The following MTMR10 variants were observed in gnomAD, a reference collection of about 807,000 sequenced individuals.
The protein encoded by MTMR10 is myotubularin related protein 10.
A neutral mutation model predicts 88.1 loss-of-function variants in MTMR10; 56 were observed. The observed-to-expected ratio is 0.64, with a 90% CI of 0.51 to 0.79. The LOEUF is 0.79. MTMR10 is among the 30% of genes least tolerant of loss of function. The pLI, the probability that MTMR10 is intolerant of heterozygous loss-of-function variation, is 0.00. For missense variants in MTMR10, 883 were observed against 924.7 expected (o/e 0.95, Z 0.58); for synonymous variants, 380 against 340.9 (o/e 1.11, Z -1.26).
At chr15:30,973,033 G>C (rs958399649) in intron 5 of MTMR10, among the ~76,000 whole-genome samples, 5 of 152,110 alleles carry the variant, frequency 3.3e-5, no homozygotes, top group African/African-American at 1.2e-4. Context: ...TTGATGCTTT[G>C]ATCAATTAAA....
chr15:30,961,105 C>T (rs371446836), intron 6 of MTMR10, 32 bp from the exon 7 acceptor site: 2 of 1,525,272 alleles, frequency 1.3e-6, no homozygotes, highest in African/African-American at 1.4e-5. Flanking sequence ...TGAATTTTAA[C>T]AGTCACATTT....
At position 30,939,670 on chromosome 15, in the gene MTMR10, A is replaced by C; in HGVS notation, c.*1800T>G. 1.4e-6 allele frequency: 1 copy of C among 724,102 alleles called. No homozygotes were observed. The highest frequency in any genetic ancestry group is 1.7e-6 in the Non-Finnish European group (1 of 598,048). The allele number at this position is 724,102 out of a possible 1,614,324, so 44.9% of individuals were successfully genotyped here. A position where few individuals can be genotyped will look rare whatever the true frequency, so the allele number is the denominator to read the frequency against. On this transcript the variant is annotated 3_prime_UTR_variant, in exon 16 of 16. Transcript: ENST00000435680. ...ACTACAAGAGTTAAAATAAACGTGAAGGAAGAAAATTACAGAGGGAAAAAT... is the reference window on the plus strand; with the variant it reads ...ACTACAAGAGTTAAAATAAACGTGACGGAAGAAAATTACAGAGGGAAAAAT...
At chr15:30,964,296 G>C (rs193051952) in intron 6 of MTMR10, among the ~76,000 whole-genome samples, 57 of 152,322 alleles carry the variant, frequency 3.7e-4, no homozygotes, top group African/African-American at 1.3e-3. Context: ...ACTTTTTAGT[G>C]TTTTGGGTTG....
Position 30,939,647 on chromosome 15 carries a change from T to G in MTMR10, c.*1823A>C, listed in dbSNP as rs1031265100. ...TTGTAAATTAACAACAATAAAATACTACAAGAGTTAAAATAAACGTGAAGG... is the reference window on the plus strand; with the variant it reads ...TTGTAAATTAACAACAATAAAATACGACAAGAGTTAAAATAAACGTGAAGG... On this transcript the variant is annotated 3_prime_UTR_variant, in exon 16 of 16. Transcript: ENST00000435680. 5.0e-6 allele frequency: 4 copies of G among 801,222 alleles called. No individual in the cohort carries two copies. Among genetic ancestry groups the G allele is most frequent in the Admixed American group, 1.5e-4 (1 of 6,712 alleles). 49.6% of individuals were successfully genotyped at this position (801,222 alleles called of 1,614,324 possible).
the MTMR10 span, chr15:30,925,086 GTTTT>G: frequency 6.4e-7 from 1 of 1,563,138 alleles, no homozygotes; most frequent in Non-Finnish European, 8.7e-7. Flanking sequence ...GCCGCCATGG[GTTTT>G]TTTAGGAGCC....
intron 14 of MTMR10, chr15:30,943,471 G>A: frequency 1.0e-6 from 1 of 985,424 alleles, no homozygotes. Flanking sequence ...GTTGGTAAGT[G>A]GATTAACAAA....
intron 2 of MTMR10, among the ~76,000 whole-genome samples, chr15:30,989,974 A>C (rs1345544000): frequency 6.6e-6 from 1 of 152,124 alleles, no homozygotes. Flanking sequence ...ATTATTATAC[A>C]ATTGTTATAC....
At chr15:30,954,342 A>G (rs988655933) in intron 10 of MTMR10, among the ~76,000 whole-genome samples, 1 of 152,194 alleles carries the variant, frequency 6.6e-6, no homozygotes, top group Non-Finnish European at 1.5e-5. Flanking sequence ...GCCACCTGGT[A>G]CGTTTGCTCA....
chr15:30,932,190 C>G, the MTMR10 span, among the ~76,000 whole-genome samples: 3 of 141,952 alleles, frequency 2.1e-5, no homozygotes, highest in East Asian at 6.2e-4. Context: ...CCACTGCACT[C>G]CAGCCTGGGC....
In MTMR10 at chr15:30,954,860, C is replaced by T. The variant is rs1010111388; in HGVS notation, c.969G>A (p.Gln323=). The T allele has an allele frequency of 6.4e-7, 1 of 1,564,570 alleles. No homozygotes were observed. Among genetic ancestry groups the T allele is most frequent in the Non-Finnish European group, 8.7e-7 (1 of 1,153,254 alleles). ...AATCTGATTTGTAAACATCACTTCT[C>T]TGTGGGTGACTTTTAGTTATTGCAT... The part of the protein sequence containing the change: ...ICNAITKSHP[Q]RSDVYKSDLD... The change falls in exon 10 of 16, where the codon CAG becomes CAA. Residue 323 remains glutamine, a synonymous_variant. Transcript: ENST00000435680.
chr15:30,968,241 G>T, intron 5 of MTMR10: 1 of 371,946 alleles, frequency 2.7e-6, no homozygotes, highest in Admixed American at 4.5e-5. Flanking sequence ...CAAGTATTCA[G>T]TAAATATTTG....
the MTMR10 span, among the ~76,000 whole-genome samples, chr15:30,929,779 T>TCATATATAATAATATATAAAATATATAA: frequency 4.4e-5 from 1 of 22,734 alleles, no homozygotes; most frequent in African/African-American, 3.0e-4. Context: ...ATATAATATA[T>TCATATATAATAATATATAAAATATATAA]TATATCATAT....
At chr15:30,977,110 G>T (rs765163254) in intron 2 of MTMR10, among the ~76,000 whole-genome samples, 155 bp from the exon 3 acceptor site, 1 of 152,196 alleles carries the variant, frequency 6.6e-6, no homozygotes, top group Admixed American at 6.5e-5. Flanking sequence ...TGGTCATAAA[G>T]TGAATAGTAA....
At chr15:30,990,687 G>T in intron 2 of MTMR10, 90 bp downstream of exon 2, 1 of 1,064,842 alleles carries the variant, frequency 9.4e-7, no homozygotes. Context: ...ATGAGAGAAG[G>T]GAAGTTAACC....
chr15:30,937,386 G>A, downstream of MTMR10: 1 of 829,138 alleles, frequency 1.2e-6, no homozygotes, highest in Non-Finnish European at 1.8e-6. Context: ...TACAGTGTCT[G>A]CATATCACAA....
intron 5 of MTMR10, among the ~76,000 whole-genome samples, chr15:30,972,324 C>T (rs1008347255): frequency 1.3e-5 from 2 of 152,108 alleles, no homozygotes; most frequent in African/African-American, 4.8e-5. Flanking sequence ...GTTTGAAATG[C>T]GTAAATCCCA....
chr15:30,978,938 T>C (rs184514608), intron 2 of MTMR10, among the ~76,000 whole-genome samples: 86 of 152,192 alleles, frequency 5.7e-4, no homozygotes, highest in Non-Finnish European at 9.1e-4. Context: ...TTCAAATACA[T>C]AAAATTTAAA....
chr15:30,932,716 C>CT, the MTMR10 span, among the ~76,000 whole-genome samples: 11,706 of 134,216 alleles, frequency 0.087, 855 homozygotes, highest in African/African-American at 0.15. Flanking sequence ...TGTTTCTTTT[C>CT]TTTTTTTTTT....
chr15:30,954,415 C>T (rs2063292807), intron 10 of MTMR10, among the ~76,000 whole-genome samples: 1 of 152,166 alleles, frequency 6.6e-6, no homozygotes. Flanking sequence ...GTCAAGTCAC[C>T]TATCTCAAAG....
Sources: gnomAD v4.1 joint callset for allele counts (sites outside exome capture counted in the v4.1 genomes callset) on GRCh38, gnomAD v4.1.1 for gene constraint, MANE v1.5 for transcripts, NCBI Gene and HGNC (gene_info 2026-07-23, HGNC 2026-07-21) for gene names.